NIPBL: variants seen among roughly 807,000 people sequenced by gnomAD.
NIPBL encodes the protein nipped-B-like protein.
A neutral mutation model predicts 321.8 loss-of-function variants in NIPBL; 19 were observed. The observed-to-expected ratio is 0.06, with a 90% CI of 0.04 to 0.09. NIPBL has a LOEUF of 0.09. Ranked by LOEUF, NIPBL falls within the 10% of genes least tolerant of loss-of-function variation. NIPBL has a pLI of 1.00. For missense variants in NIPBL, 2,210 were observed against 3,327.0 expected, an observed-to-expected ratio of 0.66 and a Z score of 8.26; for synonymous variants, 1,106 against 1,114.1, an observed-to-expected ratio of 0.99 and a Z score of 0.14.
At chr5:36,904,415 G>A (rs771989701) in intron 1 of NIPBL, among the ~76,000 whole-genome samples, 2 of 152,240 alleles carry the variant, frequency 1.3e-5, no homozygotes, top group Non-Finnish European at 2.9e-5. Flanking sequence ...GTTGCAGTGA[G>A]TCAAGATTGT....
At chr5:37,032,274 A>G (rs968865194) in intron 32 of NIPBL, among the ~76,000 whole-genome samples, 1 of 152,170 alleles carries the variant, frequency 6.6e-6, no homozygotes, top group African/African-American at 2.4e-5. Flanking sequence ...TTGCATGTAC[A>G]TTTTATCTCA....
chr5:36,902,525 T>C (rs899718749), intron 1 of NIPBL, among the ~76,000 whole-genome samples: 1 of 152,208 alleles, frequency 6.6e-6, no homozygotes, highest in Non-Finnish European at 1.5e-5. Flanking sequence ...TTGCTTGTTA[T>C]TTTCAGCTTT....
intron 40 of NIPBL, among the ~76,000 whole-genome samples, chr5:37,050,692 T>A (rs1753444101): frequency 6.6e-6 from 1 of 152,180 alleles, no homozygotes; most frequent in Non-Finnish European, 1.5e-5. Flanking sequence ...ATATATTTTC[T>A]AAGAACAAGG....
intron 45 of NIPBL, 58 bp downstream of exon 45, chr5:37,061,076 G>T (rs575669059): frequency 1.5e-6 from 2 of 1,306,248 alleles, no homozygotes; most frequent in African/African-American, 1.5e-5. Context: ...ACAAGTAAAT[G>T]TGGGGGGCCG....
intron 1 of NIPBL, among the ~76,000 whole-genome samples, chr5:36,903,428 T>C (rs1449225415): frequency 6.6e-6 from 1 of 152,216 alleles, no homozygotes; most frequent in Admixed American, 6.5e-5. Context: ...TCTTACTATT[T>C]TGCCCCTCTT....
At chr5:37,032,938 A>G (rs1223451236) in intron 32 of NIPBL, among the ~76,000 whole-genome samples, 1 of 152,208 alleles carries the variant, frequency 6.6e-6, no homozygotes, top group Non-Finnish European at 1.5e-5. Flanking sequence ...CCTTTAAAAG[A>G]TATTTTTTAA....
intron 22 of NIPBL, among the ~76,000 whole-genome samples, chr5:37,015,433 TA>T (rs1748842866): frequency 1.3e-5 from 2 of 150,730 alleles, no homozygotes; most frequent in South Asian, 4.4e-4. Flanking sequence ...CCAGCCTCCA[TA>T]AGAATTTATG....
At chr5:37,045,119 C>T (rs1024204087) in intron 36 of NIPBL, among the ~76,000 whole-genome samples, 1 of 152,026 alleles carries the variant, frequency 6.6e-6, no homozygotes, top group East Asian at 1.9e-4. Flanking sequence ...TGGGAGGCCA[C>T]GGCGGGTGGA....
intron 46 of NIPBL, 150 bp from the exon 47 acceptor site, chr5:37,064,377 C>T (rs529260399): frequency 3.3e-4 from 502 of 1,512,612 alleles, no homozygotes; most frequent in African/African-American, 4.0e-4. Flanking sequence ...TTGGCGCTGG[C>T]GGTCACGGTG....
intron 41 of NIPBL, 128 bp downstream of exon 41, chr5:37,052,014 A>G (rs1467346498): frequency 5.3e-6 from 4 of 757,168 alleles, no homozygotes; most frequent in Non-Finnish European, 9.1e-6. Context: ...TCTTCTAAAC[A>G]TGCAACTAAG....
intron 1 of NIPBL, among the ~76,000 whole-genome samples, chr5:36,899,164 C>T (rs896884414): frequency 2.6e-5 from 4 of 151,992 alleles, no homozygotes; most frequent in African/African-American, 9.7e-5. Flanking sequence ...GTTTTGGGTC[C>T]AGAAGCAAAT....
chr5:37,042,434 C>CA (rs557678534), intron 34 of NIPBL, among the ~76,000 whole-genome samples: 24 of 145,236 alleles, frequency 1.7e-4, no homozygotes, highest in South Asian at 8.8e-4. Context: ...GGCTCTGTGT[C>CA]AAAAAAAAAA....
At chr5:37,011,923 T>C (rs564430449) in intron 21 of NIPBL, among the ~76,000 whole-genome samples, 9 of 152,236 alleles carry the variant, frequency 5.9e-5, no homozygotes, top group African/African-American at 2.2e-4. Context: ...ATAGTATACA[T>C]GCATTAAATT....
intron 1 of NIPBL, among the ~76,000 whole-genome samples, chr5:36,945,953 T>G (rs1739620508): frequency 2.0e-5 from 3 of 152,166 alleles, no homozygotes; most frequent in South Asian, 2.1e-4. Context: ...CACATAGATT[T>G]ATTTATTTAT....
intron 10 of NIPBL, among the ~76,000 whole-genome samples, chr5:36,993,740 TATA>T (rs981375742): frequency 3.3e-5 from 5 of 152,032 alleles, no homozygotes; most frequent in Admixed American, 6.6e-5. Flanking sequence ...CTATGAAGAT[TATA>T]ATGTTTCCAA....
chr5:36,890,389 A>G (rs540771031), intron 1 of NIPBL, among the ~76,000 whole-genome samples: 7 of 152,302 alleles, frequency 4.6e-5, no homozygotes, highest in Admixed American at 1.3e-4. Flanking sequence ...TTATTCTGCT[A>G]TAATCTTTAT....
At chr5:36,991,407 C>G (rs1258630810) in intron 10 of NIPBL, among the ~76,000 whole-genome samples, 1 of 151,918 alleles carries the variant, frequency 6.6e-6, no homozygotes, top group East Asian at 1.9e-4. Flanking sequence ...TTGAATTTAT[C>G]TAATGAAGAA....
intron 32 of NIPBL, among the ~76,000 whole-genome samples, chr5:37,028,561 A>G (rs906293623): frequency 3.9e-5 from 6 of 152,016 alleles, no homozygotes; most frequent in African/African-American, 1.4e-4. Flanking sequence ...GGCTGGTCTC[A>G]AACTCCTGAC....
chr5:36,985,709 A>G lies in NIPBL; in HGVS notation c.2529A>G (p.Pro843=). 1.9e-6 allele frequency: 3 copies of G among 1,613,922 alleles called. No homozygotes were observed. The highest frequency in any genetic ancestry group is 2.5e-6 in the Non-Finnish European group (3 of 1,179,958). ...GGGATCAGTCTAGGGTTCGAAGACC[A>G]GAAACATTGAGATCCTCTAGTAGAA... ...HRGDQSRVRR[P]ETLRSSSRNE... Residue 843 remains proline, a synonymous_variant, in exon 10 of 47, where the codon CCA becomes CCG. Coordinates refer to ENST00000282516, the MANE Select transcript of NIPBL (RefSeq NM_133433.4).
Sources: gnomAD v4.1 joint callset for allele counts (sites outside exome capture counted in the v4.1 genomes callset) on GRCh38, gnomAD v4.1.1 for gene constraint, MANE v1.5 for transcripts, NCBI Gene and HGNC (gene_info 2026-07-23, HGNC 2026-07-21) for gene names.